GABPB2: variants seen among roughly 807,000 people sequenced by gnomAD.
The protein encoded by GABPB2 is GA binding protein transcription factor subunit beta 2.
Under a neutral mutation model 39.1 loss-of-function variants are expected in GABPB2, and 23 were observed. The observed-to-expected ratio is 0.59, with a 90% CI of 0.42 to 0.83. The LOEUF (loss-of-function observed/expected upper bound fraction) is 0.83, where lower values mean the gene tolerates loss of function less well. GABPB2 is among the 40% of genes least tolerant of loss of function. The pLI is 0.00. For missense variants in GABPB2, 467 were observed against 541.1 expected (o/e 0.86, Z 1.36); for synonymous variants, 184 against 199.3 (o/e 0.92, Z 0.65).
chr1:151,091,584 C>T (rs587708597), intron 3 of GABPB2, among the ~76,000 whole-genome samples: 1 of 151,450 alleles, frequency 6.6e-6, no homozygotes, highest in Admixed American at 6.6e-5. Flanking sequence ...AAGCGATTCT[C>T]CTACCTCAGC....
chr1:151,096,676 A>C (rs1679120819), intron 4 of GABPB2, among the ~76,000 whole-genome samples: 1 of 152,184 alleles, frequency 6.6e-6, no homozygotes, highest in Non-Finnish European at 1.5e-5. Context: ...GCAAAAGTAC[A>C]GCATATGGAG....
At chr1:151,076,586 C>T (rs750047715) in intron 1 of GABPB2, among the ~76,000 whole-genome samples, 1 of 151,714 alleles carries the variant, frequency 6.6e-6, no homozygotes, top group South Asian at 2.1e-4. Flanking sequence ...TATGCCACCA[C>T]GTCCGGCTAA....
intron 3 of GABPB2, among the ~76,000 whole-genome samples, chr1:151,091,921 T>C (rs749832032): frequency 1.3e-5 from 2 of 151,260 alleles, no homozygotes; most frequent in Non-Finnish European, 2.9e-5. Flanking sequence ...CTGGGAGGAC[T>C]ACAGGCATGC....
At chr1:151,078,743 G>A (rs1677404379) in intron 1 of GABPB2, among the ~76,000 whole-genome samples, 1 of 152,040 alleles carries the variant, frequency 6.6e-6, no homozygotes, top group African/African-American at 2.4e-5. Context: ...AGGTTCAAGT[G>A]ATTCTCCTGC....
chr1:151,109,664 T>G (rs1387757156), intron 7 of GABPB2, among the ~76,000 whole-genome samples: 1 of 150,298 alleles, frequency 6.7e-6, no homozygotes, highest in Non-Finnish European at 1.5e-5. Flanking sequence ...CGGCCTATAG[T>G]TTTTTTTTGT....
chr1:151,077,288 T>C (rs1677247518), intron 1 of GABPB2, among the ~76,000 whole-genome samples: 1 of 151,806 alleles, frequency 6.6e-6, no homozygotes, highest in Non-Finnish European at 1.5e-5. Flanking sequence ...TTTCTGACTT[T>C]CTGACAGGCC....
chr1:151,078,263 C>T (rs1247855720), intron 1 of GABPB2, among the ~76,000 whole-genome samples: 1 of 139,086 alleles, frequency 7.2e-6, no homozygotes, highest in Non-Finnish European at 1.5e-5. Flanking sequence ...CAGAGTGAGA[C>T]TTCAACTCGA....
chr1:151,122,472 G>A lies in GABPB2; in HGVS notation c.*4216G>A, dbSNP rs1681218316. ...TGGGATTTCGGAGCCTTACTTTAACGATAGAGGAACCAAGTATCATTTTAG... is the reference window on the plus strand; with the variant it reads ...TGGGATTTCGGAGCCTTACTTTAACAATAGAGGAACCAAGTATCATTTTAG... On this transcript the variant is annotated 3_prime_UTR_variant, in exon 9 of 9. Transcript: ENST00000368918. 1 of 152,018 alleles carries A rather than the reference G, an allele frequency of 6.6e-6. No individual in the cohort carries two copies. Among genetic ancestry groups the A allele is most frequent in the Non-Finnish European group, 1.5e-5 (1 of 68,020 alleles). 9.4% of individuals were successfully genotyped at this position (152,018 alleles called of 1,614,324 possible). A position where few individuals can be genotyped will look rare whatever the true frequency, so the allele number is the denominator to read the frequency against.
chr1:151,081,748 C>T (rs898421550), intron 1 of GABPB2, among the ~76,000 whole-genome samples: 2 of 151,950 alleles, frequency 1.3e-5, no homozygotes, highest in East Asian at 3.9e-4. Flanking sequence ...AATTCTTCCG[C>T]CTCAGCCTCC....
intron 5 of GABPB2, among the ~76,000 whole-genome samples, chr1:151,101,618 C>T (rs748238888): frequency 1.3e-5 from 2 of 151,818 alleles, no homozygotes; most frequent in Non-Finnish European, 2.9e-5. Flanking sequence ...CAGGAATAGC[C>T]AATAGAGGGT....
chr1:151,084,135 C>A (rs1234996879), intron 1 of GABPB2, among the ~76,000 whole-genome samples: 1 of 151,610 alleles, frequency 6.6e-6, no homozygotes, highest in Non-Finnish European at 1.5e-5. Context: ...TAGTCTCTTA[C>A]TCCTGGGCTG....
chr1:151,074,406 G>T (rs954458138), intron 1 of GABPB2, among the ~76,000 whole-genome samples: 4 of 151,076 alleles, frequency 2.6e-5, no homozygotes, highest in Non-Finnish European at 5.9e-5. Context: ...CACTTCCTGG[G>T]TTCACGCCAT....
In GABPB2 at chr1:151,097,950, GGTT is replaced by G; in HGVS notation, c.574_576del (p.Val192del). The stretch of plus-strand genomic sequence containing the variant: ...CTCCATTCATCTTCACGTCGGGTGA[GGTT>G]GTTAACCTCGCAAGCCTTATTTCTT... On this transcript the variant is annotated inframe_deletion, in exon 5 of 9. Transcript: ENST00000368918. 6.2e-7 allele frequency: 1 copy of G among 1,614,082 alleles called. No homozygotes were observed. Among genetic ancestry groups the G allele is most frequent in the Non-Finnish European group, 8.5e-7 (1 of 1,179,998 alleles).
intron 1 of GABPB2, among the ~76,000 whole-genome samples, chr1:151,080,243 AAC>A (rs1677553457): frequency 6.8e-6 from 1 of 148,072 alleles, no homozygotes; most frequent in Non-Finnish European, 1.5e-5. Context: ...AAAAAAAAAA[AAC>A]AATAATTAGC....
rs143714835 is a variant in GABPB2 at position 151,118,066 on chromosome 1, G to A, written c.1157G>A (p.Arg386His). ...LKKEQEAEQY[R>H]LKLEAIARQQ... ...AAAGAGCAGGAAGCAGAACAGTACC[G>A]TCTTAAGCTGGAGGCCATAGCCCGA... Residue 386 changes from arginine to histidine, a missense_variant, in exon 9 of 9, where the codon CGT (arginine) becomes CAT (histidine). Coordinates refer to ENST00000368918, the MANE Select transcript of GABPB2 (RefSeq NM_144618.3). 272 of 1,614,136 alleles carry A rather than the reference G, an allele frequency of 1.7e-4. 1 individual carries two copies. In the African/African-American group the frequency reaches 2.2e-3, roughly 13 times the overall value.
chr1:151,076,444 T>G (rs1039955102), intron 1 of GABPB2, among the ~76,000 whole-genome samples: 7 of 152,214 alleles, frequency 4.6e-5, no homozygotes, highest in Non-Finnish European at 1.0e-4. Context: ...TTTTTTTATT[T>G]TTTGAGACAG....
rs184773866 is a variant in GABPB2, at chr1:151,103,685, G to T, written c.736+10G>T. On this transcript the variant is annotated intron_variant, in intron 6 of 8. Coordinates refer to ENST00000368918, the MANE Select transcript of GABPB2 (RefSeq NM_144618.3). ...TCACACAGAGCCACAGGTAGGTAAG[G>T]GATATGCTGCTGGGTGAATCACCAC... is the stretch of plus-strand genomic sequence containing the variant. 33 of 1,560,524 alleles carry T rather than the reference G, an allele frequency of 2.1e-5. No homozygotes were observed. The East Asian group carries it at 6.5e-4, about 31-fold the overall frequency.
intron 6 of GABPB2, among the ~76,000 whole-genome samples, chr1:151,106,377 G>A (rs1032120473): frequency 3.3e-5 from 5 of 150,960 alleles, no homozygotes; most frequent in Non-Finnish European, 7.4e-5. Flanking sequence ...TCGCTCTGTC[G>A]CTCAGGCTGG....
At chr1:151,116,481 C>A (rs1680883051) in intron 7 of GABPB2, among the ~76,000 whole-genome samples, 2 of 151,250 alleles carry the variant, frequency 1.3e-5, no homozygotes, top group Admixed American at 1.3e-4. Context: ...GTTGACTCTT[C>A]TCTCACTTAT....
Sources: gnomAD v4.1 joint callset for allele counts (sites outside exome capture counted in the v4.1 genomes callset) on GRCh38, gnomAD v4.1.1 for gene constraint, MANE v1.5 for transcripts, NCBI Gene and HGNC (gene_info 2026-07-23, HGNC 2026-07-21) for gene names.